Variants in STX12 observed in about 807,000 individuals in gnomAD.
The protein encoded by STX12 is syntaxin-12.
A neutral mutation model predicts 42.2 loss-of-function variants in STX12; 17 were observed. The ratio of observed to expected loss-of-function variants is 0.40; its 90% confidence interval spans 0.28 to 0.60. The LOEUF (loss-of-function observed/expected upper bound fraction) is 0.60, where lower values mean the gene tolerates loss of function less well. Ranked by LOEUF, STX12 falls within the 20% of genes least tolerant of loss-of-function variation. The probability of loss-of-function intolerance (pLI) is 0.39; values close to 1 mark genes in which losing one functional copy is unlikely to be tolerated. For synonymous variants in STX12, 108 were observed against 116.7 expected, an observed-to-expected ratio of 0.93 and a Z score of 0.48; for missense variants, 297 against 330.9, an observed-to-expected ratio of 0.90 and a Z score of 0.79.
intron 1 of STX12, 76 bp downstream of exon 1, chr1:27,773,501 C>A: frequency 1.4e-6 from 2 of 1,403,958 alleles, no homozygotes; most frequent in Admixed American, 1.8e-5. Context: ...GGACGCAGGG[C>A]CCGGCTGGGG....
intron 3 of STX12, among the ~76,000 whole-genome samples, chr1:27,795,844 C>G (rs1381684106): frequency 6.6e-6 from 1 of 152,138 alleles, no homozygotes; most frequent in Non-Finnish European, 1.5e-5. Flanking sequence ...CCATTTCCCC[C>G]TTGCCATCCA....
At chr1:27,809,793 A>G (rs2088891077) in intron 4 of STX12, 2 of 154,306 alleles carry the variant, frequency 1.3e-5, no homozygotes, top group East Asian at 1.9e-4. Flanking sequence ...ATCAGTAAAA[A>G]TCAAAAAAAC....
At chr1:27,821,601 T>C (rs894145008) in intron 8 of STX12, among the ~76,000 whole-genome samples, 2 of 152,158 alleles carry the variant, frequency 1.3e-5, no homozygotes, top group African/African-American at 4.8e-5. Context: ...TTATACGTAT[T>C]ATAAAATGTT....
chr1:27,791,736 A>T (rs1313981246), intron 2 of STX12, among the ~76,000 whole-genome samples: 1 of 151,978 alleles, frequency 6.6e-6, no homozygotes, highest in Non-Finnish European at 1.5e-5. Context: ...AATCGCTTGA[A>T]CCTGGGAGGC....
At chr1:27,799,811 G>T (rs1236685333) in intron 3 of STX12, among the ~76,000 whole-genome samples, 3 of 152,122 alleles carry the variant, frequency 2.0e-5, no homozygotes, top group Non-Finnish European at 4.4e-5. Context: ...GGAGTGCAAT[G>T]GCACGATCTC....
intron 4 of STX12, chr1:27,810,022 T>G (rs1435894160): frequency 6.6e-6 from 3 of 451,628 alleles, no homozygotes; most frequent in Non-Finnish European, 1.2e-5. Context: ...TCCACCCTGT[T>G]CAGTATGGTT....
intron 8 of STX12, among the ~76,000 whole-genome samples, chr1:27,820,683 C>G (rs1022805461): frequency 6.6e-6 from 1 of 151,956 alleles, no homozygotes; most frequent in Non-Finnish European, 1.5e-5. Context: ...GGTATATACC[C>G]AAAGGACTAT....
In STX12 at chr1:27,810,581, C is replaced by G. The variant is rs144079638; in HGVS notation, c.470+292C>G. 2.2e-3 allele frequency among the ~76,000 whole-genome samples: 342 copies of G among 152,228 alleles called. 1 individual carries two copies. The highest frequency in any genetic ancestry group is 0.01 in the Middle Eastern group (3 of 294). On this transcript the variant is annotated intron_variant, in intron 5 of 8. Transcript: ENST00000373943. ...TAGGAATAAGTATGAACCTACATGT[C>G]TACAGATTAGGAAGTCTAAGTCATC...
At chr1:27,800,047 G>A (rs996539334) in intron 3 of STX12, among the ~76,000 whole-genome samples, 23 of 152,194 alleles carry the variant, frequency 1.5e-4, no homozygotes, top group Admixed American at 5.9e-4. Context: ...GCGCTACTGC[G>A]CCCGGCCTAG....
At chr1:27,797,259 G>A (rs1441296304) in intron 3 of STX12, among the ~76,000 whole-genome samples, 1 of 152,184 alleles carries the variant, frequency 6.6e-6, no homozygotes, top group Non-Finnish European at 1.5e-5. Context: ...GTTTTGCCAC[G>A]TTGGCCAGGT....
At chr1:27,787,380 C>T (rs997449183) in intron 1 of STX12, among the ~76,000 whole-genome samples, 11 of 152,020 alleles carry the variant, frequency 7.2e-5, no homozygotes, top group Non-Finnish European at 1.3e-4. Flanking sequence ...GACTACTGGC[C>T]GGGTGCAGTG....
At chr1:27,778,880 C>A (rs529759298) in intron 1 of STX12, among the ~76,000 whole-genome samples, 1 of 152,246 alleles carries the variant, frequency 6.6e-6, no homozygotes, top group South Asian at 2.1e-4. Context: ...TTACTTGAGT[C>A]TCCCAAATAG....
intron 7 of STX12, 99 bp downstream of exon 7, chr1:27,818,022 C>A: frequency 2.0e-6 from 2 of 1,010,890 alleles, no homozygotes; most frequent in Non-Finnish European, 3.0e-6. Flanking sequence ...GAAGCACCAT[C>A]TAGGAGTTTG....
intron 6 of STX12, 36 bp from the exon 7 acceptor site, chr1:27,817,815 G>T: frequency 6.3e-7 from 1 of 1,588,738 alleles, no homozygotes; most frequent in Non-Finnish European, 8.6e-7. Context: ...CTAACATGTT[G>T]CTTAATGTTA....
chr1:27,813,710 A>T (rs1178994036), intron 6 of STX12, among the ~76,000 whole-genome samples: 1 of 152,102 alleles, frequency 6.6e-6, no homozygotes, highest in Non-Finnish European at 1.5e-5. Context: ...ATAATGTGAA[A>T]TTCCTGTTTA....
At chr1:27,793,066 GGTT>G (rs1410987870) in intron 2 of STX12, among the ~76,000 whole-genome samples, 5 of 152,308 alleles carry the variant, frequency 3.3e-5, no homozygotes, top group Admixed American at 1.3e-4. Flanking sequence ...GATGTTTGGA[GGTT>G]GTTCCCTAGG....
chr1:27,804,006 A>G (rs2088843455), intron 4 of STX12, among the ~76,000 whole-genome samples: 1 of 152,108 alleles, frequency 6.6e-6, no homozygotes, highest in African/African-American at 2.4e-5. Context: ...ATCTCAAAAA[A>G]CAAAAAACAA....
At chr1:27,806,343 TAA>T (rs2088862518) in intron 4 of STX12, among the ~76,000 whole-genome samples, 1 of 152,250 alleles carries the variant, frequency 6.6e-6, no homozygotes, top group African/African-American at 2.4e-5. Flanking sequence ...AGCTTTTAAA[TAA>T]GTTTTTAGTA....
chr1:27,786,335 T>C (rs1467634680), intron 1 of STX12, among the ~76,000 whole-genome samples: 1 of 152,188 alleles, frequency 6.6e-6, no homozygotes, highest in Non-Finnish European at 1.5e-5. Context: ...GCTGTGTGGC[T>C]TGATCTTTCA....
Sources: gnomAD v4.1 joint callset for allele counts (sites outside exome capture counted in the v4.1 genomes callset) on GRCh38, gnomAD v4.1.1 for gene constraint, MANE v1.5 for transcripts, NCBI Gene and HGNC (gene_info 2026-07-23, HGNC 2026-07-21) for gene names.